Variants in PKIB observed in about 807,000 individuals in gnomAD.
PKIB encodes the protein PKI-beta.
In PKIB, 2 loss-of-function variants were observed where a neutral mutation model predicts 4.5. The observed-to-expected ratio is 0.44, with a 90% CI of 0.18 to 1.39. The LOEUF (loss-of-function observed/expected upper bound fraction) is 1.39. Ranked by LOEUF, PKIB falls within the 40% of genes most tolerant of loss-of-function variation. The pLI, the probability that PKIB is intolerant of heterozygous loss-of-function variation, is 0.27. For synonymous variants in PKIB, 38 were observed against 36.0 expected (o/e 1.06, Z -0.20); for missense variants, 94 against 92.6 (o/e 1.02, Z -0.06).
chr6:122,553,481 C>CTTTTTTTTTTTTTTTTTTTT (rs533553939), intron 2 of PKIB, among the ~76,000 whole-genome samples: 715 of 65,754 alleles, frequency 0.011, 170 homozygotes, highest in Non-Finnish European at 0.013. Flanking sequence ...CAAATATCTT[C>CTTTTTTTTTTTTTTTTTTTT]TTTTTTTTTT....
intron 1 of PKIB, among the ~76,000 whole-genome samples, chr6:122,475,709 C>T (rs1044537832): frequency 3.9e-5 from 6 of 152,112 alleles, no homozygotes; most frequent in Admixed American, 3.9e-4. Flanking sequence ...TTGCTCGAAC[C>T]TGGGAGGCAG....
intron 3 of PKIB, among the ~76,000 whole-genome samples, chr6:122,711,143 A>ACG (rs1402001479): frequency 6.6e-6 from 1 of 151,986 alleles, no homozygotes; most frequent in Admixed American, 6.6e-5. Context: ...GCACACACAC[A>ACG]CAAACACACA....
chr6:122,707,147 TA>T (rs1226213139), intron 3 of PKIB, among the ~76,000 whole-genome samples: 1 of 152,066 alleles, frequency 6.6e-6, no homozygotes, highest in Middle Eastern at 3.2e-3. Context: ...GATGAAAAAA[TA>T]TTTCAATTAG....
chr6:122,602,713 G>A (rs1013855046), intron 3 of PKIB, among the ~76,000 whole-genome samples: 2 of 151,940 alleles, frequency 1.3e-5, no homozygotes, highest in Non-Finnish European at 2.9e-5. Context: ...CCAGGAGTTC[G>A]AGACCAGCCT....
At chr6:122,653,389 G>A (rs1776641572) in intron 2 of PKIB, among the ~76,000 whole-genome samples, 1 of 151,954 alleles carries the variant, frequency 6.6e-6, no homozygotes, top group South Asian at 2.1e-4. Context: ...TGTGTGTTGG[G>A]CTGTTCTCCT....
intron 2 of PKIB, among the ~76,000 whole-genome samples, chr6:122,670,503 TG>T (rs1306217077): frequency 7.4e-6 from 1 of 135,080 alleles, no homozygotes; most frequent in Non-Finnish European, 1.7e-5. Flanking sequence ...ATGTTTTTGT[TG>T]TTGTTGTTGT....
At chr6:122,627,157 GGC>G (rs1457540742) in intron 1 of PKIB, among the ~76,000 whole-genome samples, 34 of 151,368 alleles carry the variant, frequency 2.2e-4, no homozygotes, top group African/African-American at 8.0e-4. Context: ...GCAGGAAAAC[GGC>G]GTAAACCCGG....
intron 3 of PKIB, among the ~76,000 whole-genome samples, chr6:122,594,029 A>T (rs1774092413): frequency 6.6e-6 from 1 of 152,160 alleles, no homozygotes; most frequent in African/African-American, 2.4e-5. Context: ...CATAATCTTC[A>T]AATGAAGACA....
At chr6:122,541,035 G>T (rs1582686378) in intron 2 of PKIB, among the ~76,000 whole-genome samples, 1 of 149,880 alleles carries the variant, frequency 6.7e-6, no homozygotes, top group East Asian at 2.0e-4. Context: ...CATTTGCTTG[G>T]TAGATCTTCC....
intron 2 of PKIB, among the ~76,000 whole-genome samples, chr6:122,516,153 G>C (rs1318979693): frequency 6.6e-6 from 1 of 152,162 alleles, no homozygotes; most frequent in African/African-American, 2.4e-5. Context: ...ATCTCAAAGA[G>C]CACACACGTA....
chr6:122,648,183 C>T (rs1448270731), intron 2 of PKIB, among the ~76,000 whole-genome samples: 5 of 152,304 alleles, frequency 3.3e-5, no homozygotes, highest in East Asian at 1.9e-4. Flanking sequence ...GGAACCCTTT[C>T]GTCTCCTAGT....
At chr6:122,626,033 C>A (rs1316399742) in intron 1 of PKIB, among the ~76,000 whole-genome samples, 3 of 152,080 alleles carry the variant, frequency 2.0e-5, no homozygotes, top group Non-Finnish European at 4.4e-5. Flanking sequence ...TGCATCACTG[C>A]ACTTCAGCCT....
At chr6:122,584,300 C>G (rs1313378491) in intron 2 of PKIB, among the ~76,000 whole-genome samples, 2 of 151,990 alleles carry the variant, frequency 1.3e-5, no homozygotes, top group African/African-American at 4.8e-5. Flanking sequence ...ATGGTAACAT[C>G]AAATGAATAA....
chr6:122,561,988 G>GTTTGTGTTTT lies in PKIB; in HGVS notation c.-247-23930_-247-23929insGTGTTTTTTT, dbSNP rs1554220234. 2.7e-3 allele frequency among the ~76,000 whole-genome samples: 65 copies of GTTTGTGTTTT among 24,250 alleles called. 1 individual carries two copies. Among genetic ancestry groups the GTTTGTGTTTT allele is most frequent in the South Asian group, 6.5e-3 (4 of 616 alleles). The allele number at this position is 24,250 out of a possible 152,430, so 15.9% of individuals were successfully genotyped here. A position where few individuals can be genotyped will look rare whatever the true frequency, so the allele number is the denominator to read the frequency against. Reference sequence around the variant, plus strand: ...TTGCCTGCATAGTTTTTTTTTGTTTGTTTTTGTTTTTTTTTGTTTTTTTTT... The same window carrying GTTTGTGTTTT: ...TTGCCTGCATAGTTTTTTTTTGTTTGTTTGTGTTTTTTTTTGTTTTTTTTTGTTTTTTTTT... On this transcript the variant is annotated intron_variant, in intron 2 of 6. Coordinates refer to the PKIB transcript ENST00000392491.
intron 2 of PKIB, among the ~76,000 whole-genome samples, chr6:122,579,687 CT>C (rs1773650098): frequency 6.6e-6 from 1 of 152,012 alleles, no homozygotes; most frequent in Admixed American, 6.6e-5. Flanking sequence ...ATGAAAATTA[CT>C]CTCTAGTATT....
chr6:122,686,609 C>G (rs6569268), intron 3 of PKIB, among the ~76,000 whole-genome samples: 1 of 151,646 alleles, frequency 6.6e-6, no homozygotes, highest in African/African-American at 2.4e-5. Flanking sequence ...GCAGTCCCCC[C>G]ACCTCGCCTC....
At chr6:122,655,742 A>G (rs1484497704) in intron 2 of PKIB, among the ~76,000 whole-genome samples, 1 of 152,194 alleles carries the variant, frequency 6.6e-6, no homozygotes, top group Non-Finnish European at 1.5e-5. Flanking sequence ...TAACCTTAAT[A>G]TTGATAATGC....
At chr6:122,546,420 G>T (rs901986143) in intron 2 of PKIB, among the ~76,000 whole-genome samples, 6 of 152,050 alleles carry the variant, frequency 3.9e-5, no homozygotes, top group African/African-American at 1.4e-4. Flanking sequence ...TGGAGGTGCG[G>T]TTTGGAGCCA....
intron 2 of PKIB, among the ~76,000 whole-genome samples, chr6:122,545,740 T>G (rs1398854793): frequency 6.6e-6 from 1 of 150,664 alleles, no homozygotes; most frequent in Non-Finnish European, 1.5e-5. Flanking sequence ...CCCTGCAACA[T>G]GCAATTTACC....
Sources: allele counts gnomAD v4.1 joint callset (sites outside exome capture counted in the v4.1 genomes callset), GRCh38; gene constraint gnomAD v4.1.1; transcripts MANE v1.5; gene names NCBI Gene and HGNC (gene_info 2026-07-23, HGNC 2026-07-21).